Variants in PCDHGA8 observed in about 807,000 individuals in gnomAD.
The protein encoded by PCDHGA8 is protocadherin gamma-A8.
In PCDHGA8, 45 loss-of-function variants were observed where a neutral mutation model predicts 59.2. The ratio of observed to expected loss-of-function variants is 0.76; its 90% CI spans 0.60 to 0.98. The LOEUF (loss-of-function observed/expected upper bound fraction) is 0.98, where lower values mean the gene tolerates loss of function less well. PCDHGA8 is among the 50% of genes least tolerant of loss of function. The pLI, the probability that PCDHGA8 is intolerant of heterozygous loss-of-function variation, is 0.00. For missense variants in PCDHGA8, 1,257 were observed against 1,196.2 expected (o/e 1.05, Z -0.75); for synonymous variants, 531 against 519.0 (o/e 1.02, Z -0.32).
Position 141,485,395 on chromosome 5 carries a change from C to T in PCDHGA8, c.2425-9412C>T. On this transcript the variant is annotated intron_variant, in intron 1 of 3. Coordinates refer to ENST00000398604, the MANE Select transcript of PCDHGA8 (RefSeq NM_032088.2). The surrounding 1 kb of genome is among the most constrained non-coding windows in gnomAD (Gnocchi z 5.7). Reference sequence around the variant, plus strand: ...TCGCTGGAGAGGTGAACCAAAGACACTTCCGTGTGGATTTGGACAGCGGAG... The same window carrying T: ...TCGCTGGAGAGGTGAACCAAAGACATTTCCGTGTGGATTTGGACAGCGGAG... 5 of 1,614,154 alleles carry T rather than the reference C, an allele frequency of 3.1e-6. No homozygotes were observed. Among genetic ancestry groups the T allele is most frequent in the Non-Finnish European group, 3.4e-6 (4 of 1,180,026 alleles).
chr5:141,412,416 G>A (rs897228706), intron 1 of PCDHGA8: 1 of 152,162 alleles, frequency 6.6e-6, no homozygotes, highest in Non-Finnish European at 1.5e-5. Flanking sequence ...GATAAAGTAT[G>A]TTTTACACAA....
At chr5:141,427,525 C>T (rs779318429) in intron 1 of PCDHGA8, 9 of 611,980 alleles carry the variant, frequency 1.5e-5, no homozygotes, top group South Asian at 3.0e-5. Flanking sequence ...GAGCGGATCC[C>T]GGAGTACAAC....
chr5:141,459,302 A>G (rs1401348885), intron 1 of PCDHGA8, among the ~76,000 whole-genome samples: 1 of 152,328 alleles, frequency 6.6e-6, no homozygotes, highest in Admixed American at 6.5e-5. Context: ...CCTATAACAT[A>G]TACTATTTTG....
At chr5:141,448,887 G>T (rs1160586933) in intron 1 of PCDHGA8, among the ~76,000 whole-genome samples, 1 of 152,172 alleles carries the variant, frequency 6.6e-6, no homozygotes, top group East Asian at 1.9e-4. Flanking sequence ...GGAGCTTGCA[G>T]TGAGCCGAGA....
At chr5:141,422,122 A>C in intron 1 of PCDHGA8, 1 of 1,601,714 alleles carries the variant, frequency 6.2e-7, no homozygotes, top group Non-Finnish European at 8.5e-7. Context: ...GGATTCACAA[A>C]CTGGAGAAGT....
intron 1 of PCDHGA8, among the ~76,000 whole-genome samples, chr5:141,444,000 A>T (rs2098413157): frequency 6.6e-6 from 1 of 152,070 alleles, no homozygotes; most frequent in African/African-American, 2.4e-5. Context: ...TTTAAATGCT[A>T]CCTGGGTATT....
At chr5:141,452,673 G>A (rs2098746812) in intron 1 of PCDHGA8, among the ~76,000 whole-genome samples, 1 of 151,896 alleles carries the variant, frequency 6.6e-6, no homozygotes, top group Non-Finnish European at 1.5e-5. Flanking sequence ...CTCCAGCCTA[G>A]GCCACAGAAT....
chr5:141,438,635 TACACACACACACACAC>T (rs56854727), intron 1 of PCDHGA8, among the ~76,000 whole-genome samples: 7 of 33,414 alleles, frequency 2.1e-4, no homozygotes, highest in Non-Finnish European at 3.7e-4. Flanking sequence ...TATATATATA[TACACACACACACACAC>T]ATATATGTAT....
chr5:141,501,412 T>C (rs1479005426), intron 2 of PCDHGA8, among the ~76,000 whole-genome samples: 7 of 151,550 alleles, frequency 4.6e-5, no homozygotes, highest in African/African-American at 1.7e-4. Context: ...GCTTGGAAAA[T>C]AGTTGACTAA....
At position 141,494,838 on chromosome 5, in the gene PCDHGA8, C is replaced by T; in HGVS notation, c.2456C>T (p.Ser819Phe). 4.3e-6 allele frequency: 7 copies of T among 1,614,166 alleles called. No homozygotes were observed. Among genetic ancestry groups the T allele is most frequent in the Non-Finnish European group, 3.4e-6 (4 of 1,180,032 alleles). Residue 819 changes from serine (S) to phenylalanine (F), a missense_variant, in exon 2 of 4, where the codon TCT becomes TTT. By Grantham distance (155) the Ser-to-Phe change is radical. Transcript: ENST00000398604. ...CCGCCCAACACGGACTGGCGTTTCT[C>T]TCAGGCCCAGAGACCCGGCACCAGC... ...QAPPNTDWRF[S>F]QAQRPGTSGS...
chr5:141,490,200 A>G lies in PCDHGA8; in HGVS notation c.2425-4607A>G. 6.2e-6 allele frequency: 10 copies of G among 1,614,198 alleles called. No homozygotes were observed. The highest frequency in any genetic ancestry group is 8.5e-6 in the Non-Finnish European group (10 of 1,180,032). ...AGTCACGTTTCTATGAAATTCATGC[A>G]AGAGCCCGTGACCAGGGACAGCCTG... On this transcript the variant is annotated intron_variant, in intron 1 of 3. Coordinates refer to ENST00000398604, the MANE Select transcript of PCDHGA8 (RefSeq NM_032088.2). The surrounding 1 kb of genome is among the most constrained non-coding windows in gnomAD (Gnocchi z 5.4).
intron 1 of PCDHGA8, chr5:141,479,772 G>A (rs904607838): frequency 1.3e-5 from 2 of 152,192 alleles, no homozygotes; most frequent in Non-Finnish European, 2.9e-5. Flanking sequence ...CATATCCTTA[G>A]ACAGGTAAAG....
At chr5:141,421,601 T>C (rs1309928984) in intron 1 of PCDHGA8, 19 of 1,613,652 alleles carry the variant, frequency 1.2e-5, no homozygotes, top group Non-Finnish European at 1.6e-5. Context: ...GTGGAAATAA[T>C]AGATATTAAT....
Position 141,393,581 on chromosome 5 carries a change from C to T in PCDHGA8, c.768C>T (p.Pro256=), listed in dbSNP as rs1356594219. ...GAGTGAAAGTCCTTGAGAACATGCC[C>T]CCAGGCACGCGGCTGCTTACTGTAA... ...IYRVKVLENM[P]PGTRLLTVTA... The change falls in exon 1 of 4, where the codon CCC becomes CCT. Residue 256 remains proline, a synonymous_variant. Transcript: ENST00000398604. 8 of 1,613,790 alleles carry T rather than the reference C, an allele frequency of 5.0e-6. No individual in the cohort carries two copies. The highest frequency in any genetic ancestry group is 6.8e-6 in the Non-Finnish European group (8 of 1,179,902).
chr5:141,495,080 G>A (rs73794925), intron 2 of PCDHGA8, among the ~76,000 whole-genome samples: 1 of 152,258 alleles, frequency 6.6e-6, no homozygotes, highest in African/African-American at 2.4e-5. Flanking sequence ...TCACATGCTT[G>A]CCCCTTCCCT....
At position 141,393,388 on chromosome 5, in the gene PCDHGA8, C is replaced by G. The variant is rs775991086; in HGVS notation, c.575C>G (p.Pro192Arg). 7 of 1,613,992 alleles carry G rather than the reference C, an allele frequency of 4.3e-6. No homozygotes were observed. Among genetic ancestry groups the G allele is most frequent in the Non-Finnish European group, 5.9e-6 (7 of 1,179,898 alleles). The change falls in exon 1 of 4, where the codon CCA becomes CGA. Residue 192 changes from proline to arginine, a missense_variant. Transcript: ENST00000398604. ...ACTGGAGACAATGGAGCCATAAACC[C>G]AGAGCTGGTGCTGGAGCGCGCCCTG... ...VQTGDNGAIN[P>R]ELVLERALDR...
chr5:141,454,908 C>T (rs1370482009), intron 1 of PCDHGA8, among the ~76,000 whole-genome samples: 3 of 145,392 alleles, frequency 2.1e-5, no homozygotes, highest in Non-Finnish European at 4.5e-5. Context: ...CCCGGGTTCA[C>T]GCCATTCTCC....
chr5:141,454,857 G>C (rs1365819097), intron 1 of PCDHGA8, among the ~76,000 whole-genome samples: 2 of 131,566 alleles, frequency 1.5e-5, no homozygotes, highest in African/African-American at 6.0e-5. Context: ...ACCCAGGCTG[G>C]AGTGCAGTGG....
In PCDHGA8 at chr5:141,476,343, T is replaced by A; in HGVS notation, c.2425-18464T>A. 1 of 1,614,012 alleles carries A rather than the reference T, an allele frequency of 6.2e-7. No individual in the cohort carries two copies. The highest frequency in any genetic ancestry group is 1.3e-5 in the African/African-American group (1 of 74,984). ...GTGGTGTCTGGAGCTAGCCGAAGAT[T>A]CTTTGAGGTGAACCGGGAGACCGGA... On this transcript the variant is annotated intron_variant, in intron 1 of 3. Transcript: ENST00000398604. This position sits in a 1 kb window ranked among gnomAD's most constrained non-coding sequence, Gnocchi z 7.6.
Sources: allele counts gnomAD v4.1 joint callset (sites outside exome capture counted in the v4.1 genomes callset), GRCh38; gene constraint gnomAD v4.1.1; non-coding constraint Gnocchi (gnomAD v3.1); transcripts MANE v1.5; gene names NCBI Gene and HGNC (gene_info 2026-07-23, HGNC 2026-07-21).